Variants in TLL1 observed in about 807,000 individuals in gnomAD.
The protein encoded by TLL1 is tolloid like 1.
A neutral mutation model predicts 128.2 loss-of-function variants in TLL1; 49 were observed. The ratio of observed to expected loss-of-function variants is 0.38; its 90% confidence interval spans 0.30 to 0.48. The LOEUF is 0.48. Among genes scored for constraint, TLL1 ranks in the 20% least tolerant of loss-of-function variants. The pLI, the probability that TLL1 is intolerant of heterozygous loss-of-function variation, is 0.96. For missense variants in TLL1, 1,123 were observed against 1,242.0 expected (o/e 0.90, Z 1.44); for synonymous variants, 454 against 418.8 (o/e 1.08, Z -1.03).
chr4:165,885,629 T>TATGTGAGAA (rs1216207620), intron 1 of TLL1, among the ~76,000 whole-genome samples: 1 of 152,044 alleles, frequency 6.6e-6, no homozygotes, highest in Non-Finnish European at 1.5e-5. Context: ...AGTAGCAAGG[T>TATGTGAGAA]ATGTGAGAAT....
At chr4:166,092,570 G>A (rs1253844892) in intron 19 of TLL1, among the ~76,000 whole-genome samples, 1 of 151,926 alleles carries the variant, frequency 6.6e-6, no homozygotes, top group African/African-American at 2.4e-5. Flanking sequence ...ATGAAGGGGT[G>A]GAAAAATAAA....
At chr4:165,964,225 A>G (rs755859656) in intron 1 of TLL1, among the ~76,000 whole-genome samples, 9 of 152,212 alleles carry the variant, frequency 5.9e-5, no homozygotes, top group African/African-American at 1.2e-4. Context: ...CTGAGTTTCA[A>G]TATCTTCATC....
chr4:165,886,990 T>C (rs540835803), intron 1 of TLL1, among the ~76,000 whole-genome samples: 5 of 152,294 alleles, frequency 3.3e-5, no homozygotes, highest in Admixed American at 3.3e-4. Context: ...GCTGTGAAAG[T>C]TCTTGAATTT....
intron 19 of TLL1, among the ~76,000 whole-genome samples, chr4:166,096,204 G>A (rs1731081487): frequency 7.1e-6 from 1 of 140,590 alleles, no homozygotes; most frequent in South Asian, 2.2e-4. Context: ...ACTGAATTCT[G>A]TCATGGGTGT....
At chr4:166,012,216 G>A (rs568760329) in intron 7 of TLL1, among the ~76,000 whole-genome samples, 1 of 151,544 alleles carries the variant, frequency 6.6e-6, no homozygotes, top group Admixed American at 6.6e-5. Flanking sequence ...AGTGAACCAT[G>A]ATATGATCTG....
In TLL1 at chr4:166,086,332, C is replaced by T. The variant is rs759798247; in HGVS notation, c.2443-4796C>T. 2.0e-5 allele frequency among the ~76,000 whole-genome samples: 3 copies of T among 152,218 alleles called. No individual in the cohort carries two copies. In the East Asian group the frequency reaches 5.8e-4, roughly 30 times the overall value. On this transcript the variant is annotated intron_variant, in intron 18 of 20. Transcript: ENST00000061240. ...GTTCTAGTTATCTACTGCTGCATAG[C>T]AAATTATCCCAAAACCTCATGGCTT...
chr4:165,994,541 A>C lies in TLL1; in HGVS notation c.514+8A>C. ...TAGGAGGAAACTTCACTGGTAAGAT[A>C]CTCCCAGCATGTCTGTTTTCATAAA... On this transcript the variant is annotated splice_region_variant and intron_variant, in intron 4 of 20. Coordinates refer to ENST00000061240, the MANE Select transcript of TLL1 (RefSeq NM_012464.5). The C allele has an allele frequency of 6.2e-7, 1 of 1,613,784 alleles. No individual in the cohort carries two copies. Among genetic ancestry groups the C allele is most frequent in the Middle Eastern group, 1.7e-4 (1 of 6,054 alleles).
chr4:166,087,749 G>C (rs1487244591), intron 18 of TLL1, among the ~76,000 whole-genome samples: 4 of 152,182 alleles, frequency 2.6e-5, no homozygotes, highest in Non-Finnish European at 5.9e-5. Context: ...TCATATGAGA[G>C]AACAGCGTCT....
At chr4:165,877,773 CTTTCT>C (rs1730784036) in intron 1 of TLL1, among the ~76,000 whole-genome samples, 2 of 137,644 alleles carry the variant, frequency 1.5e-5, no homozygotes, top group African/African-American at 6.6e-5. Context: ...TTCCCTTCTT[CTTTCT>C]TTTTTTTTTT....
chr4:165,972,999 C>A (rs1458888529), intron 1 of TLL1, among the ~76,000 whole-genome samples: 1 of 151,882 alleles, frequency 6.6e-6, no homozygotes, highest in Non-Finnish European at 1.5e-5. Context: ...GCCTTTTAAT[C>A]TCCCTGGCAT....
rs564465490 is a variant in TLL1 at position 165,993,305 on chromosome 4, C to G, written c.361+421C>G. Among the ~76,000 whole-genome samples, 6 of 151,856 alleles carry G rather than the reference C, an allele frequency of 4.0e-5. No homozygotes were observed. In the East Asian group the frequency reaches 7.7e-4, roughly 20 times the overall value. On this transcript the variant is annotated intron_variant, in intron 3 of 20. Coordinates refer to ENST00000061240, the MANE Select transcript of TLL1 (RefSeq NM_012464.5). ...GATTTAAAAAGTTAAAATGTTTTGA[C>G]CATTCAAAAAATAGAAAATAGTTAT...
intron 1 of TLL1, among the ~76,000 whole-genome samples, chr4:165,974,115 T>G (rs1735757975): frequency 6.7e-6 from 1 of 149,744 alleles, no homozygotes; most frequent in Non-Finnish European, 1.5e-5. Flanking sequence ...ACTCTTAGGA[T>G]TAAGTCCTGG....
intron 1 of TLL1, among the ~76,000 whole-genome samples, chr4:165,944,863 A>C (rs1734173381): frequency 6.6e-6 from 1 of 152,314 alleles, no homozygotes; most frequent in South Asian, 2.1e-4. Flanking sequence ...GCTATGTGGA[A>C]GATGTCTGAG....
intron 1 of TLL1, among the ~76,000 whole-genome samples, chr4:165,885,245 G>A (rs1415991753): frequency 6.6e-6 from 1 of 152,052 alleles, no homozygotes; most frequent in East Asian, 1.9e-4. Flanking sequence ...CTGGGCCTCA[G>A]CCTCTGAGGC....
chr4:165,996,288 C>T (rs577820648), intron 5 of TLL1, among the ~76,000 whole-genome samples: 17 of 152,104 alleles, frequency 1.1e-4, no homozygotes, highest in Non-Finnish European at 1.5e-4. Flanking sequence ...TACACGTAGG[C>T]GATCAAGAAA....
chr4:165,930,839 T>G (rs1179225440), intron 1 of TLL1, among the ~76,000 whole-genome samples: 5 of 152,220 alleles, frequency 3.3e-5, no homozygotes, highest in African/African-American at 9.7e-5. Flanking sequence ...AAACACTTCT[T>G]GTAATTTATA....
intron 9 of TLL1, among the ~76,000 whole-genome samples, chr4:166,031,753 A>G (rs59733911): frequency 0.017 from 2,659 of 152,318 alleles, 88 homozygotes; most frequent in African/African-American, 0.061. Flanking sequence ...AAAATTTAGC[A>G]AAAACCTGTC....
chr4:165,980,999 CTT>C (rs1358292914), intron 1 of TLL1, among the ~76,000 whole-genome samples: 6 of 152,062 alleles, frequency 3.9e-5, no homozygotes, highest in South Asian at 2.1e-4. Context: ...ATTAAAGTGA[CTT>C]AGTATAAATG....
intron 1 of TLL1, among the ~76,000 whole-genome samples, chr4:165,953,095 T>A (rs1734603902): frequency 6.6e-6 from 1 of 152,106 alleles, no homozygotes; most frequent in Non-Finnish European, 1.5e-5. Flanking sequence ...GCAGTTGTTG[T>A]TTTGTTGAAG....
Sources: allele counts gnomAD v4.1 joint callset (sites outside exome capture counted in the v4.1 genomes callset), GRCh38; gene constraint gnomAD v4.1.1; transcripts MANE v1.5; gene names NCBI Gene and HGNC (gene_info 2026-07-23, HGNC 2026-07-21).